The following RIMS1 variants were observed in gnomAD, a reference collection of about 807,000 sequenced individuals.
RIMS1 encodes the protein regulating synaptic membrane exocytosis protein 1.
Under a neutral mutation model 214.1 loss-of-function variants are expected in RIMS1, and 83 were observed. The ratio of observed to expected loss-of-function variants is 0.39; its 90% CI spans 0.32 to 0.47. RIMS1 has a LOEUF of 0.47. Ranked by LOEUF, RIMS1 falls within the 20% of genes least tolerant of loss-of-function variation. The pLI is 0.99. For missense variants in RIMS1, 2,050 were observed against 2,161.8 expected, an observed-to-expected ratio of 0.95 and a Z score of 1.03; for synonymous variants, 793 against 786.8, an observed-to-expected ratio of 1.01 and a Z score of -0.13.
At chr6:72,162,058 A>G (rs2045513641) in intron 4 of RIMS1, among the ~76,000 whole-genome samples, 2 of 140,502 alleles carry the variant, frequency 1.4e-5, no homozygotes, top group Admixed American at 7.2e-5. Flanking sequence ...TTGCCTTATG[A>G]ATCTGGGTGC....
chr6:72,186,965 T>C (rs1368215394), intron 6 of RIMS1, among the ~76,000 whole-genome samples: 1 of 152,086 alleles, frequency 6.6e-6, no homozygotes, highest in Non-Finnish European at 1.5e-5. Context: ...ACCCCATCTC[T>C]ACTAAAATAC....
At chr6:72,104,853 A>G (rs1167165143) in intron 4 of RIMS1, among the ~76,000 whole-genome samples, 2 of 152,138 alleles carry the variant, frequency 1.3e-5, no homozygotes, top group African/African-American at 4.8e-5. Flanking sequence ...GGATCTGCAG[A>G]GGTCCTCACA....
chr6:71,978,904 G>A (rs1584007241), intron 2 of RIMS1, among the ~76,000 whole-genome samples: 1 of 152,186 alleles, frequency 6.6e-6, no homozygotes, highest in East Asian at 1.9e-4. Context: ...TTTGAAAATA[G>A]AGAATTCTAG....
intron 6 of RIMS1, among the ~76,000 whole-genome samples, chr6:72,220,685 T>G (rs1485746493): frequency 6.6e-6 from 1 of 152,010 alleles, no homozygotes; most frequent in Non-Finnish European, 1.5e-5. Flanking sequence ...AGCTTAAATC[T>G]CCAAAAGATA....
chr6:72,149,395 G>A (rs1588082495), intron 4 of RIMS1, among the ~76,000 whole-genome samples: 1 of 152,126 alleles, frequency 6.6e-6, no homozygotes, highest in South Asian at 2.1e-4. Flanking sequence ...CCGGTCTAGG[G>A]GCCTTAGGAC....
intron 29 of RIMS1, among the ~76,000 whole-genome samples, chr6:72,364,818 G>A (rs10943006): frequency 0.17 from 26,191 of 152,204 alleles, 2,772 homozygotes; most frequent in Non-Finnish European, 0.24. Context: ...TGAGCGTGAG[G>A]AAATTGTAGG....
chr6:72,085,127 T>C (rs980467349), intron 2 of RIMS1, among the ~76,000 whole-genome samples: 22 of 152,118 alleles, frequency 1.4e-4, no homozygotes, highest in Admixed American at 7.9e-4. Context: ...TGTGACAGAA[T>C]TGAATGCAAA....
Position 72,109,194 on chromosome 6 carries a change from A to C in RIMS1, c.471+9208A>C, listed in dbSNP as rs118137707. On this transcript the variant is annotated intron_variant, in intron 4 of 33. Coordinates refer to ENST00000521978, the MANE Select transcript of RIMS1 (RefSeq NM_014989.7). ...ATGTGTCTTCATAGCAGAATGATTC[A>C]TAGTCTTTTGGGTATATACCCAGTA... is the stretch of plus-strand genomic sequence containing the variant. 8.4e-3 allele frequency among the ~76,000 whole-genome samples: 1,284 copies of C among 152,256 alleles called. 8 individuals are homozygous for C. Among genetic ancestry groups the C allele is most frequent in the South Asian group, 0.035 (170 of 4,828 alleles).
chr6:72,253,054 A>C (rs1443581215), intron 16 of RIMS1, among the ~76,000 whole-genome samples: 1 of 152,200 alleles, frequency 6.6e-6, no homozygotes. Context: ...CCGTAGAAAC[A>C]TGTCTAACTA....
chr6:72,023,527 T>A (rs1311929019), intron 2 of RIMS1, among the ~76,000 whole-genome samples: 2 of 152,066 alleles, frequency 1.3e-5, no homozygotes, highest in Non-Finnish European at 2.9e-5. Context: ...TAAAACTTTT[T>A]TTCTAGTCAA....
In RIMS1 at chr6:72,063,571, C is replaced by T. The variant is rs576957969; in HGVS notation, c.246-33378C>T. Among the ~76,000 whole-genome samples the T allele has an allele frequency of 2.6e-5, 4 of 152,254 alleles. No individual in the cohort carries two copies. The Middle Eastern group carries it at 0.014, about 518-fold the overall frequency. On this transcript the variant is annotated intron_variant, in intron 2 of 33. Coordinates refer to ENST00000521978, the MANE Select transcript of RIMS1 (RefSeq NM_014989.7). The stretch of plus-strand genomic sequence containing the variant: ...CTAGTGGGAGACCGACCAAGGAAGT[C>T]ACAACACTCAAGGACTGGATAAAGT...
At chr6:72,143,981 A>G (rs1269512177) in intron 4 of RIMS1, among the ~76,000 whole-genome samples, 1 of 152,254 alleles carries the variant, frequency 6.6e-6, no homozygotes, top group African/African-American at 2.4e-5. Context: ...TGGCAATAAT[A>G]GCAAGTAAAC....
At chr6:72,041,173 A>T (rs1047983175) in intron 2 of RIMS1, among the ~76,000 whole-genome samples, 1 of 151,920 alleles carries the variant, frequency 6.6e-6, no homozygotes, top group Non-Finnish European at 1.5e-5. Context: ...AAAATAAACA[A>T]ACTGAAGTTC....
intron 1 of RIMS1, among the ~76,000 whole-genome samples, chr6:71,921,624 A>T (rs1780013011): frequency 6.6e-6 from 1 of 152,310 alleles, no homozygotes; most frequent in South Asian, 2.1e-4. Context: ...AAGCATTAAA[A>T]CAAATTTGCT....
At chr6:72,035,671 T>C (rs1194868352) in intron 2 of RIMS1, among the ~76,000 whole-genome samples, 1 of 152,200 alleles carries the variant, frequency 6.6e-6, no homozygotes, top group Non-Finnish European at 1.5e-5. Context: ...CTGTTAAGCC[T>C]CAGGTTGCCT....
At chr6:72,074,798 C>T (rs530357897) in intron 2 of RIMS1, among the ~76,000 whole-genome samples, 1 of 152,246 alleles carries the variant, frequency 6.6e-6, no homozygotes, top group African/African-American at 2.4e-5. Context: ...CTGCTGTAAA[C>T]AGTAAGTACT....
intron 2 of RIMS1, among the ~76,000 whole-genome samples, chr6:72,096,012 C>G (rs980293441): frequency 1.3e-5 from 2 of 152,150 alleles, no homozygotes; most frequent in African/African-American, 2.4e-5. Context: ...TTCTTGTGTT[C>G]TATTCAGAAC....
chr6:72,032,136 G>T (rs141273734), intron 2 of RIMS1, among the ~76,000 whole-genome samples: 292 of 152,142 alleles, frequency 1.9e-3, no homozygotes, highest in Non-Finnish European at 3.4e-3. Flanking sequence ...AGGTGTGTGT[G>T]TGTAGGGGTG....
intron 24 of RIMS1, among the ~76,000 whole-genome samples, chr6:72,288,124 G>T (rs1302163442): frequency 6.6e-6 from 1 of 152,136 alleles, no homozygotes; most frequent in Non-Finnish European, 1.5e-5. Context: ...AGACAGAAAA[G>T]AGAGCAAGCA....
Sources: gnomAD v4.1 joint callset for allele counts (sites outside exome capture counted in the v4.1 genomes callset) on GRCh38, gnomAD v4.1.1 for gene constraint, MANE v1.5 for transcripts, NCBI Gene and HGNC (gene_info 2026-07-23, HGNC 2026-07-21) for gene names.